The following DOCK9 variants were observed in gnomAD, a reference collection of about 807,000 sequenced individuals.
DOCK9 encodes dedicator of cytokinesis 9.
DOCK9 carries 89 observed loss-of-function variants against 263.3 expected under a neutral mutation model. The observed-to-expected ratio is 0.34, with a 90% CI of 0.28 to 0.40. The LOEUF (loss-of-function observed/expected upper bound fraction) is 0.40. Ranked by LOEUF, DOCK9 falls within the 10% of genes least tolerant of loss-of-function variation. The pLI, the probability that DOCK9 is intolerant of heterozygous loss-of-function variation, is 1.00. For synonymous variants in DOCK9, 976 were observed against 973.1 expected (o/e 1.00, Z -0.06); for missense variants, 2,140 against 2,603.4 (o/e 0.82, Z 3.87).
At chr13:98,908,923 T>C (rs1189968692) in intron 9 of DOCK9, among the ~76,000 whole-genome samples, 1 of 152,116 alleles carries the variant, frequency 6.6e-6, no homozygotes. Context: ...GTGGAGAAAA[T>C]ACAGCTATAA....
intron 1 of DOCK9, among the ~76,000 whole-genome samples, chr13:98,993,671 G>A (rs1435135337): frequency 2.0e-5 from 3 of 152,222 alleles, no homozygotes; most frequent in African/African-American, 4.8e-5. Context: ...AACCCGGGAG[G>A]CGGAGCTTGC....
chr13:98,968,973 G>C (rs2059461426), intron 1 of DOCK9, among the ~76,000 whole-genome samples: 1 of 152,184 alleles, frequency 6.6e-6, no homozygotes, highest in Non-Finnish European at 1.5e-5. Flanking sequence ...TTACTGAGAA[G>C]CTGTTGTGAC....
chr13:99,081,411 T>C (rs541485669), intron 1 of DOCK9, among the ~76,000 whole-genome samples: 1 of 152,330 alleles, frequency 6.6e-6, no homozygotes, highest in Non-Finnish European at 1.5e-5. Flanking sequence ...CTTGGTTTCA[T>C]TTGTATTGTT....
intron 1 of DOCK9, among the ~76,000 whole-genome samples, chr13:99,026,754 AG>A (rs71215505): frequency 0.15 from 22,621 of 152,242 alleles, 2,407 homozygotes; most frequent in East Asian, 0.43. Flanking sequence ...GGATGGAAAA[AG>A]GTTAACAGGA....
intron 1 of DOCK9, among the ~76,000 whole-genome samples, chr13:99,084,829 T>G (rs2042266833): frequency 1.3e-5 from 2 of 152,222 alleles, no homozygotes; most frequent in South Asian, 4.1e-4. Flanking sequence ...GTTGCAGGCT[T>G]TATCCTTAAC....
intron 15 of DOCK9, among the ~76,000 whole-genome samples, chr13:98,895,775 T>A (rs1285400557): frequency 1.3e-5 from 2 of 152,176 alleles, no homozygotes; most frequent in Non-Finnish European, 2.9e-5. Context: ...AAAATGAACA[T>A]GTATTATGTT....
At chr13:99,024,891 G>A (rs1295670024) in intron 1 of DOCK9, among the ~76,000 whole-genome samples, 1 of 152,068 alleles carries the variant, frequency 6.6e-6, no homozygotes, top group East Asian at 1.9e-4. Context: ...TCTTGTCCTG[G>A]CTTATAGTCA....
chr13:98,884,591 GT>G (rs1408536541), intron 21 of DOCK9, among the ~76,000 whole-genome samples: 2 of 152,236 alleles, frequency 1.3e-5, no homozygotes, highest in East Asian at 3.9e-4. Flanking sequence ...AACCCTGTGG[GT>G]GAGAGATTTG....
chr13:98,991,400 C>T (rs1167081324), intron 1 of DOCK9, among the ~76,000 whole-genome samples: 1 of 152,154 alleles, frequency 6.6e-6, no homozygotes, highest in African/African-American at 2.4e-5. Context: ...ACAAGTGTGA[C>T]AGGAGTAGCT....
chr13:98,796,234 G>A, intron 52 of DOCK9: 1 of 1,581,740 alleles, frequency 6.3e-7, no homozygotes, highest in South Asian at 1.2e-5. Context: ...TAGCATGGAG[G>A]AGAAAAAAAG....
chr13:98,984,950 G>A (rs1878095142), intron 1 of DOCK9, among the ~76,000 whole-genome samples: 2 of 151,938 alleles, frequency 1.3e-5, no homozygotes, highest in Admixed American at 6.6e-5. Flanking sequence ...AAAAAAGTGG[G>A]TATCTTTCTA....
At chr13:98,831,608 A>T in intron 40 of DOCK9, 41 bp downstream of exon 40, 1 of 1,604,558 alleles carries the variant, frequency 6.2e-7, no homozygotes, top group Non-Finnish European at 8.5e-7. Flanking sequence ...ATTCCGGGGG[A>T]AGAAGGAAAA....
rs369416241 is a variant in DOCK9 at position 98,904,721 on chromosome 13, C to A, written c.961-15G>T. Reference sequence around the variant, plus strand: ...TCTCTTGCACTCTGATAACAAGATACATGAAAATTACATTTAACACAATCC... The same window carrying A: ...TCTCTTGCACTCTGATAACAAGATAAATGAAAATTACATTTAACACAATCC... On this transcript the variant is annotated splice_polypyrimidine_tract_variant and intron_variant, in intron 9 of 52. Transcript: ENST00000682017. The A allele has an allele frequency of 4.5e-6, 7 of 1,545,526 alleles. No individual in the cohort carries two copies. Among genetic ancestry groups the A allele is most frequent in the Non-Finnish European group, 6.1e-6 (7 of 1,144,024 alleles).
At chr13:99,087,163 T>C (rs1315204023), upstream of DOCK9, among the ~76,000 whole-genome samples, 1 of 151,942 alleles carries the variant, frequency 6.6e-6, no homozygotes, top group East Asian at 2.0e-4. Flanking sequence ...GGAGCGTCCC[T>C]GCTCGGAACC....
intron 37 of DOCK9, 76 bp downstream of exon 37, chr13:98,848,516 T>C: frequency 1.3e-6 from 2 of 1,510,030 alleles, no homozygotes; most frequent in Non-Finnish European, 1.8e-6. Context: ...CAACCGCCAC[T>C]GATGACCAAT....
chr13:99,012,673 T>C (rs1267067256), intron 1 of DOCK9, among the ~76,000 whole-genome samples: 2 of 152,200 alleles, frequency 1.3e-5, no homozygotes, highest in African/African-American at 4.8e-5. Flanking sequence ...CAGGGCTCCC[T>C]TAAGAAATGC....
At chr13:99,087,046 GC>G (rs559994487), upstream of DOCK9, among the ~76,000 whole-genome samples, 3 of 151,976 alleles carry the variant, frequency 2.0e-5, no homozygotes, top group African/African-American at 7.2e-5. Context: ...GGTGCACCAC[GC>G]CCCCCCTCTG....
Position 98,867,475 on chromosome 13 carries a change from G to A in DOCK9, c.3236C>T (p.Pro1079Leu), listed in dbSNP as rs775117075. ...RVVCNHEHYI[P>L]LNLPMPFGKG... is the part of the protein sequence containing the mutation. Reference sequence around the variant, plus strand: ...TCCAAATGGCATTGGTAAGTTCAACGGAATATAATGTTCATGGTTGCACAC... The same window carrying A: ...TCCAAATGGCATTGGTAAGTTCAACAGAATATAATGTTCATGGTTGCACAC... Residue 1079 changes from proline to leucine, a missense_variant, in exon 30 of 53, where the codon CCG becomes CTG. This residue lies in a region of DOCK9 where 1,521 missense variants were observed against 1,741.7 expected (regional missense o/e 0.87). Coordinates refer to ENST00000682017, the MANE Select transcript of DOCK9 (RefSeq NM_001366683.2). 45 of 1,612,596 alleles carry A rather than the reference G, an allele frequency of 2.8e-5. No individual in the cohort carries two copies. The highest frequency in any genetic ancestry group is 3.4e-5 in the Non-Finnish European group (40 of 1,179,362).
At chr13:98,855,348 C>A (rs1298420039) in intron 34 of DOCK9, among the ~76,000 whole-genome samples, 1 of 152,016 alleles carries the variant, frequency 6.6e-6, no homozygotes, top group Admixed American at 6.5e-5. Context: ...CCGAGGCGGG[C>A]GGATGACGAG....
Sources: allele counts gnomAD v4.1 joint callset (sites outside exome capture counted in the v4.1 genomes callset), GRCh38; gene constraint gnomAD v4.1.1; regional missense constraint gnomAD v4.1.1; transcripts MANE v1.5; gene names NCBI Gene and HGNC (gene_info 2026-07-23, HGNC 2026-07-21).